The following ELOVL5 variants were observed in gnomAD, a reference collection of about 807,000 sequenced individuals.
ELOVL5 encodes ELOVL fatty acid elongase 5, also known as very long chain fatty acid elongase 5.
ELOVL5 carries 8 observed loss-of-function variants against 38.6 expected under a neutral mutation model. The ratio of observed to expected loss-of-function variants is 0.21; its 90% CI spans 0.12 to 0.37. The LOEUF is 0.37. Ranked by LOEUF, ELOVL5 falls within the 10% of genes least tolerant of loss-of-function variation. The pLI, the probability that ELOVL5 is intolerant of heterozygous loss-of-function variation, is 1.00. For synonymous variants in ELOVL5, 127 were observed against 133.7 expected (o/e 0.95, Z 0.34); for missense variants, 280 against 367.8 (o/e 0.76, Z 1.95).
intron 1 of ELOVL5, among the ~76,000 whole-genome samples, chr6:53,341,239 GCTTT>G (rs1261541617): frequency 1.3e-5 from 2 of 152,196 alleles, no homozygotes; most frequent in East Asian, 1.9e-4. Flanking sequence ...TTCCCTATTA[GCTTT>G]CTTTATCTAA....
Position 53,345,873 on chromosome 6 carries a change from T to C in ELOVL5, c.-9+2944A>G, listed in dbSNP as rs139019366. ...ATTTGGACAAGTCACTTGTCATCTC[T>C]AGGCCTTAATCCTAGAGATTCTTTT... On this transcript the variant is annotated intron_variant, in intron 1 of 7. Coordinates refer to ENST00000304434, the MANE Select transcript of ELOVL5 (RefSeq NM_021814.5). Among the ~76,000 whole-genome samples, 355 of 152,330 alleles carry C rather than the reference T, an allele frequency of 2.3e-3. 2 individuals carry two copies. The highest frequency in any genetic ancestry group is 8.3e-3 in the African/African-American group (345 of 41,560).
intron 3 of ELOVL5, among the ~76,000 whole-genome samples, chr6:53,285,413 G>GA: frequency 6.6e-6 from 1 of 152,292 alleles, no homozygotes; most frequent in East Asian, 1.9e-4. Flanking sequence ...AGAAAAGCTT[G>GA]AAAATAGCAG....
At chr6:53,281,752 T>G (rs1483946991) in intron 3 of ELOVL5, among the ~76,000 whole-genome samples, 1 of 152,098 alleles carries the variant, frequency 6.6e-6, no homozygotes, top group Non-Finnish European at 1.5e-5. Flanking sequence ...GTTTTTACAT[T>G]TCAAATCTTT....
At position 53,348,864 on chromosome 6, in the gene ELOVL5, G is replaced by C; in HGVS notation, c.-56C>G. The C allele has an allele frequency of 2.2e-6, 1 of 458,088 alleles. No individual in the cohort carries two copies. Among genetic ancestry groups the C allele is most frequent in the Non-Finnish European group, 4.4e-6 (1 of 227,924 alleles). 28.4% of individuals were successfully genotyped at this position (458,088 alleles called of 1,614,324 possible). On this transcript the variant is annotated 5_prime_UTR_variant, in exon 1 of 8. Coordinates refer to ENST00000304434, the MANE Select transcript of ELOVL5 (RefSeq NM_021814.5). ...CAGCTTTGAGCAGCAGCAAGGCGGC[G>C]GCGGCGGAGGGAGCGCGGGTGGCAG... is the stretch of plus-strand genomic sequence containing the variant.
intron 1 of ELOVL5, among the ~76,000 whole-genome samples, chr6:53,306,550 G>A (rs1360380622): frequency 1.3e-5 from 2 of 152,012 alleles, no homozygotes; most frequent in Non-Finnish European, 2.9e-5. Context: ...GTAGCGGGAG[G>A]GTAACATGAT....
At chr6:53,335,682 C>T (rs556186377) in intron 1 of ELOVL5, among the ~76,000 whole-genome samples, 4 of 152,270 alleles carry the variant, frequency 2.6e-5, no homozygotes, top group Middle Eastern at 3.4e-3. Flanking sequence ...CACAGACAGC[C>T]GGTTCTTGCC....
chr6:53,289,603 C>T (rs563916468), intron 3 of ELOVL5, among the ~76,000 whole-genome samples: 14 of 152,260 alleles, frequency 9.2e-5, no homozygotes, highest in Admixed American at 5.2e-4. Context: ...GCCTGTAGTT[C>T]CAGCTACTAG....
In ELOVL5 at chr6:53,269,061, T is replaced by G; in HGVS notation, c.*66A>C. 1 of 1,562,186 alleles carries G rather than the reference T, an allele frequency of 6.4e-7. No homozygotes were observed. Reference sequence around the variant, plus strand: ...AGTTACAGCAGCTGTTAACGAGCATTGGGGCACAACTCATATTGTGCTTAC... The same window carrying G: ...AGTTACAGCAGCTGTTAACGAGCATGGGGGCACAACTCATATTGTGCTTAC... On this transcript the variant is annotated 3_prime_UTR_variant, in exon 8 of 8. Coordinates refer to ENST00000304434, the MANE Select transcript of ELOVL5 (RefSeq NM_021814.5).
At chr6:53,344,863 C>CT (rs1769472718) in intron 1 of ELOVL5, among the ~76,000 whole-genome samples, 1 of 152,208 alleles carries the variant, frequency 6.6e-6, no homozygotes, top group South Asian at 2.1e-4. Context: ...GCATGTCCTC[C>CT]TATTCCTGCC....
rs367573712 is a variant in ELOVL5 at position 53,298,907 on chromosome 6, G to C, written c.-8-3200C>G. 1.7e-4 allele frequency among the ~76,000 whole-genome samples: 26 copies of C among 149,016 alleles called. 1 individual carries two copies. Among genetic ancestry groups the C allele is most frequent in the Non-Finnish European group, 3.0e-4 (20 of 67,300 alleles). On this transcript the variant is annotated intron_variant, in intron 1 of 7. Transcript: ENST00000304434. ...GAGAAGGTGGGGGCAAGGCGGGGGG[G>C]GGGAGTTGATAATATATCAGGAGAG... is the stretch of plus-strand genomic sequence containing the variant.
intron 1 of ELOVL5, among the ~76,000 whole-genome samples, chr6:53,348,564 C>T (rs1368919032): frequency 4.6e-5 from 7 of 152,188 alleles, no homozygotes; most frequent in Non-Finnish European, 8.8e-5. Flanking sequence ...CCTGCCTCAG[C>T]CTCGGCGTGG....
At chr6:53,304,394 CAG>C (rs776188418) in intron 1 of ELOVL5, among the ~76,000 whole-genome samples, 5 of 152,014 alleles carry the variant, frequency 3.3e-5, no homozygotes, top group Non-Finnish European at 7.4e-5. Context: ...AAAACAAAAA[CAG>C]AAACAAAAAA....
Position 53,268,831 on chromosome 6 carries a change from T to C in ELOVL5, c.*296A>G, listed in dbSNP as rs1477121013. 4.2e-6 allele frequency: 1 copy of C among 240,242 alleles called. No individual in the cohort carries two copies. Among genetic ancestry groups the C allele is most frequent in the Non-Finnish European group, 7.9e-6 (1 of 126,138 alleles). The allele number at this position is 240,242 out of a possible 1,614,324, so 14.9% of individuals were successfully genotyped here. The stretch of plus-strand genomic sequence containing the variant: ...GTGTTTTTAAATTGTGAATCACAAT[T>C]CAGCACCTATCATGTTATAACTAAT... On this transcript the variant is annotated 3_prime_UTR_variant, in exon 8 of 8. Transcript: ENST00000304434.
rs1766066672 is a variant in ELOVL5, at chr6:53,275,214, A to G, written c.372T>C (p.Phe124=). ...GCAGGATGAAGAAGAAAGTGTCCAT[A>G]AATTCTATGAGTTTGGAGAAGTAGT... ...WWYYFSKLIE[F]MDTFFFILRK... is the part of the protein sequence containing the mutation. The change falls in exon 5 of 8, where the codon TTT becomes TTC. Residue 124 remains phenylalanine (F), a synonymous_variant. Transcript: ENST00000304434. The G allele has an allele frequency of 6.2e-7, 1 of 1,614,042 alleles. No homozygotes were observed. Among genetic ancestry groups the G allele is most frequent in the Admixed American group, 1.7e-5 (1 of 60,008 alleles).
At chr6:53,296,986 A>G (rs1767027280) in intron 1 of ELOVL5, among the ~76,000 whole-genome samples, 1 of 152,234 alleles carries the variant, frequency 6.6e-6, no homozygotes, top group Non-Finnish European at 1.5e-5. Flanking sequence ...AGTAGTTACA[A>G]TTAAGTCAAT....
At chr6:53,288,809 T>C (rs1162980259) in intron 3 of ELOVL5, among the ~76,000 whole-genome samples, 2 of 152,220 alleles carry the variant, frequency 1.3e-5, no homozygotes, top group Non-Finnish European at 2.9e-5. Context: ...CTCATGTCTG[T>C]AATCTCAGCA....
At chr6:53,335,127 A>G (rs1039069564) in intron 1 of ELOVL5, among the ~76,000 whole-genome samples, 5 of 152,162 alleles carry the variant, frequency 3.3e-5, no homozygotes, top group Non-Finnish European at 7.4e-5. Context: ...TGATCCCCAA[A>G]GCCACTATGT....
chr6:53,312,554 C>A (rs1035875590), intron 1 of ELOVL5, among the ~76,000 whole-genome samples: 1 of 152,166 alleles, frequency 6.6e-6, no homozygotes, highest in Non-Finnish European at 1.5e-5. Context: ...GTTATGAAGG[C>A]CACATGTGCT....
Position 53,295,651 on chromosome 6 carries a change from C to T in ELOVL5, c.49G>A (p.Gly17Ser). ...SLSTYFKALL[G>S]PRDTRVKGWF... ...CCAAAAACCACCTTACCTCGAGGGC[C>T]TAGCAATGCCTTGAAATAGGTACTA... is the stretch of plus-strand genomic sequence containing the variant. Residue 17 changes from glycine (G) to serine (S), a missense_variant, in exon 2 of 8, where the codon GGC becomes AGC. Gly to Ser is a moderately conservative substitution (Grantham distance 56, BLOSUM62 0). This residue lies in a region of ELOVL5 where 150 missense variants were observed against 178.0 expected (regional missense o/e 0.84). Coordinates refer to ENST00000304434, the MANE Select transcript of ELOVL5 (RefSeq NM_021814.5). The T allele has an allele frequency of 6.2e-7, 1 of 1,601,440 alleles. No individual in the cohort carries two copies. Among genetic ancestry groups the T allele is most frequent in the Non-Finnish European group, 8.5e-7 (1 of 1,176,298 alleles).
Sources: allele counts gnomAD v4.1 joint callset (sites outside exome capture counted in the v4.1 genomes callset), GRCh38; gene constraint gnomAD v4.1.1; regional missense constraint gnomAD v4.1.1; transcripts MANE v1.5; gene names NCBI Gene and HGNC (gene_info 2026-07-23, HGNC 2026-07-21).